Variants in MYO5B observed in about 807,000 individuals in gnomAD.
The protein encoded by MYO5B is unconventional myosin-Vb.
MYO5B carries 143 observed loss-of-function variants against 229.3 expected under a neutral mutation model. The observed-to-expected ratio is 0.62, with a 90% confidence interval of 0.54 to 0.72. MYO5B has a LOEUF of 0.72. MYO5B is among the 30% of genes least tolerant of loss of function. MYO5B has a pLI of 0.00. For synonymous variants in MYO5B, 918 were observed against 885.2 expected, an observed-to-expected ratio of 1.04 and a Z score of -0.66; for missense variants, 2,321 against 2,331.0, an observed-to-expected ratio of 1.00 and a Z score of 0.09.
intron 35 of MYO5B, chr18:49,840,049 G>C (rs1266977848): frequency 6.5e-6 from 1 of 153,056 alleles, no homozygotes; most frequent in Non-Finnish European, 1.5e-5. Context: ...GATGAAGATA[G>C]AGTCAATCAT....
intron 13 of MYO5B, 39 bp downstream of exon 13, chr18:49,954,274 G>A: frequency 1.2e-6 from 2 of 1,612,398 alleles, no homozygotes; most frequent in Non-Finnish European, 1.7e-6. Flanking sequence ...CTTAGAGAGG[G>A]GCCAAGGGAA....
chr18:49,886,585 T>A (rs4939912), intron 22 of MYO5B, among the ~76,000 whole-genome samples: 34,026 of 152,032 alleles, frequency 0.22, 4,357 homozygotes, highest in East Asian at 0.41. Flanking sequence ...GATAAAAATA[T>A]ACATGCATCA....
intron 14 of MYO5B, among the ~76,000 whole-genome samples, chr18:49,950,289 G>T (rs2144238929): frequency 6.6e-6 from 1 of 152,312 alleles, no homozygotes; most frequent in Middle Eastern, 3.4e-3. Flanking sequence ...GAGGGGGAAA[G>T]CTAGCATTGT....
At chr18:49,863,178 G>T (rs779851590) in intron 29 of MYO5B, 49 bp downstream of exon 29, 2 of 1,428,832 alleles carry the variant, frequency 1.4e-6, no homozygotes, top group Non-Finnish European at 2.0e-6. Flanking sequence ...GTTTGGGCAG[G>T]GCCCTTCTCC....
chr18:49,963,415 A>T (rs12962618), intron 10 of MYO5B, among the ~76,000 whole-genome samples: 22,469 of 147,850 alleles, frequency 0.15, 1,855 homozygotes, highest in Middle Eastern at 0.18. Flanking sequence ...TTAATTAATT[A>T]ATTTATTTAT....
At chr18:50,067,050 CTG>C (rs2030838415) in intron 1 of MYO5B, among the ~76,000 whole-genome samples, 1 of 152,168 alleles carries the variant, frequency 6.6e-6, no homozygotes, top group African/African-American at 2.4e-5. Flanking sequence ...GCCTGACACT[CTG>C]TGTTCCTCAT....
intron 4 of MYO5B, among the ~76,000 whole-genome samples, chr18:50,008,107 C>A (rs1280934935): frequency 2.0e-5 from 3 of 152,170 alleles, no homozygotes; most frequent in Non-Finnish European, 4.4e-5. Flanking sequence ...AATAAAGCAG[C>A]CTTTAACAAA....
At chr18:50,036,630 G>C (rs2026451428) in intron 4 of MYO5B, among the ~76,000 whole-genome samples, 1 of 152,206 alleles carries the variant, frequency 6.6e-6, no homozygotes, top group Admixed American at 6.5e-5. Flanking sequence ...TAAGTCTAAA[G>C]AGCCACTGCT....
Position 49,932,631 on chromosome 18 carries a change from T to C in MYO5B, c.2004-3033A>G, listed in dbSNP as rs931576679. On this transcript the variant is annotated intron_variant, in intron 16 of 39. Coordinates refer to ENST00000285039, the MANE Select transcript of MYO5B (RefSeq NM_001080467.3). ...TGAGAGCTCAACATATCTGCCCAACTATAAAGCAGTGGTGGCTGTAATGAC... is the reference window on the plus strand; with the variant it reads ...TGAGAGCTCAACATATCTGCCCAACCATAAAGCAGTGGTGGCTGTAATGAC... Among the ~76,000 whole-genome samples the C allele has an allele frequency of 7.9e-5, 12 of 152,180 alleles. No homozygotes were observed. The South Asian group carries it at 1.5e-3, about 18-fold the overall frequency.
Position 49,962,957 on chromosome 18 carries a change from A to G in MYO5B, c.1396T>C (p.Phe466Leu), listed in dbSNP as rs1280712507. The G allele has an allele frequency of 6.2e-7, 1 of 1,613,918 alleles. No individual in the cohort carries two copies. Among genetic ancestry groups the G allele is most frequent in the African/African-American group, 1.3e-5 (1 of 74,900 alleles). ...CTAGAAACCAAGCCTACCGAGTTGA[A>G]CTGCTGCTGGAGCTTTTCATTTGCA... ...NYANEKLQQQ[F>L]NSHVFKLEQE... is the part of the protein sequence containing the mutation. The change falls in exon 11 of 40, where the codon TTC (phenylalanine) becomes CTC (leucine). Residue 466 changes from phenylalanine (F) to leucine (L), a missense_variant. By Grantham distance (22) the Phe-to-Leu change is conservative (BLOSUM62 0). Transcript: ENST00000285039.
chr18:50,114,410 T>C (rs1023974059), intron 1 of MYO5B, among the ~76,000 whole-genome samples: 1 of 152,114 alleles, frequency 6.6e-6, no homozygotes, highest in African/African-American at 2.4e-5. Flanking sequence ...CCGCACTGAC[T>C]CCTCCAAGCT....
At chr18:50,021,091 A>C (rs911242400) in intron 4 of MYO5B, among the ~76,000 whole-genome samples, 3 of 152,160 alleles carry the variant, frequency 2.0e-5, no homozygotes, top group Admixed American at 6.5e-5. Context: ...CTCCCAGTGC[A>C]CACAGAGGAA....
chr18:49,875,793 G>A lies in MYO5B; in HGVS notation c.3431C>T (p.Thr1144Met), dbSNP rs372301424. Reference protein sequence around the residue: ...IGLEKAAMDMTVFLKLQKRVR... With the variant: ...IGLEKAAMDMMVFLKLQKRVR... ...TCTCTTCTGCAGCTTCAGGAAGACC[G>A]TCATGTCCATGGCTGCCTTCTCCAG... Residue 1144 changes from threonine (T) to methionine (M), a missense_variant, in exon 26 of 40, where the codon ACG becomes ATG. Physicochemically the swap from Thr to Met is moderately conservative, Grantham distance 81 (BLOSUM62 -1). This residue lies in a region of MYO5B where 2,113 missense variants were observed against 2,044.7 expected (regional missense o/e 1.03). Coordinates refer to ENST00000285039, the MANE Select transcript of MYO5B (RefSeq NM_001080467.3). The A allele has an allele frequency of 1.8e-5, 29 of 1,613,990 alleles. No homozygotes were observed. Among genetic ancestry groups the A allele is most frequent in the South Asian group, 3.3e-5 (3 of 91,086 alleles).
At chr18:49,883,970 TAA>T (rs1175381541) in intron 22 of MYO5B, among the ~76,000 whole-genome samples, 1 of 152,146 alleles carries the variant, frequency 6.6e-6, no homozygotes, top group African/African-American at 2.4e-5. Flanking sequence ...CAAAATGCAT[TAA>T]AGACTTAAAT....
At chr18:49,989,902 A>G (rs2025910668) in intron 7 of MYO5B, among the ~76,000 whole-genome samples, 1 of 152,136 alleles carries the variant, frequency 6.6e-6, no homozygotes, top group South Asian at 2.1e-4. Context: ...GAGAGATCAG[A>G]TGGCCTGGCA....
intron 4 of MYO5B, among the ~76,000 whole-genome samples, chr18:50,009,504 G>A (rs571938706): frequency 7.2e-5 from 11 of 152,166 alleles, no homozygotes; most frequent in Non-Finnish European, 1.3e-4. Flanking sequence ...ACCTATTATA[G>A]TGAGGGAAGT....
Position 49,882,778 on chromosome 18 carries a change from A to G in MYO5B, c.3046-2323T>C, listed in dbSNP as rs534986325. Among the ~76,000 whole-genome samples the G allele has an allele frequency of 2.6e-5, 4 of 152,146 alleles. No homozygotes were observed. In the East Asian group the frequency reaches 7.8e-4, roughly 29 times the overall value. On this transcript the variant is annotated intron_variant, in intron 22 of 39. Coordinates refer to ENST00000285039, the MANE Select transcript of MYO5B (RefSeq NM_001080467.3). Reference sequence around the variant, plus strand: ...CTACATTACTCTTACTGGGCATGAAATGGAAATACACACTTTAAAACCACT... The same window carrying G: ...CTACATTACTCTTACTGGGCATGAAGTGGAAATACACACTTTAAAACCACT...
intron 26 of MYO5B, among the ~76,000 whole-genome samples, chr18:49,872,550 C>T (rs947569030): frequency 1.3e-5 from 2 of 152,076 alleles, no homozygotes; most frequent in Non-Finnish European, 2.9e-5. Context: ...TTCTGAAGTC[C>T]TCACCCCTAG....
At chr18:49,892,694 C>G (rs16951184) in intron 22 of MYO5B, among the ~76,000 whole-genome samples, 1 of 152,096 alleles carries the variant, frequency 6.6e-6, no homozygotes, top group Admixed American at 6.5e-5. Flanking sequence ...CAAAAAAAAG[C>G]CAGCCAGCTC....
Sources: gnomAD v4.1 joint callset for allele counts (sites outside exome capture counted in the v4.1 genomes callset) on GRCh38, gnomAD v4.1.1 for gene constraint, gnomAD v4.1.1 regional missense constraint, MANE v1.5 for transcripts, NCBI Gene and HGNC (gene_info 2026-07-23, HGNC 2026-07-21) for gene names.